The following UIMC1 variants were observed in gnomAD, a reference collection of about 807,000 sequenced individuals.
The protein encoded by UIMC1 is ubiquitin interaction motif containing 1.
UIMC1 carries 42 observed loss-of-function variants against 84.9 expected under a neutral mutation model. The ratio of observed to expected loss-of-function variants is 0.49; its 90% CI spans 0.39 to 0.64. The LOEUF (loss-of-function observed/expected upper bound fraction) is 0.64, where lower values mean the gene tolerates loss of function less well. UIMC1 is among the 30% of genes least tolerant of loss of function. The probability of loss-of-function intolerance (pLI) is 0.00; values close to 1 mark genes in which losing one functional copy is unlikely to be tolerated. For missense variants in UIMC1, 825 were observed against 847.6 expected (o/e 0.97, Z 0.33); for synonymous variants, 281 against 293.0 (o/e 0.96, Z 0.42).
chr5:176,981,982 T>G (rs760191602), intron 2 of UIMC1, among the ~76,000 whole-genome samples: 2 of 152,234 alleles, frequency 1.3e-5, no homozygotes, highest in African/African-American at 4.8e-5. Flanking sequence ...AAATGTTGTA[T>G]AGCTCTGCTG....
chr5:176,995,005 G>A (rs190892859), intron 1 of UIMC1, among the ~76,000 whole-genome samples: 1 of 152,180 alleles, frequency 6.6e-6, no homozygotes. Flanking sequence ...TCATTCCTTT[G>A]GGCTCTGGCT....
intron 10 of UIMC1, among the ~76,000 whole-genome samples, chr5:176,941,262 G>A (rs887465544): frequency 6.6e-6 from 1 of 152,078 alleles, no homozygotes; most frequent in African/African-American, 2.4e-5. Context: ...TTTACAGTCA[G>A]ACCTCAACTA....
rs2149483492 is a variant in UIMC1 at position 176,968,877 on chromosome 5, G to A, written c.878C>T (p.Thr293Ile). The change falls in exon 6 of 15, where the codon ACC becomes ATC. Residue 293 changes from threonine (T) to isoleucine (I), a missense_variant. Thr to Ile is a moderately conservative substitution (Grantham distance 89). Coordinates refer to ENST00000511320, the MANE Select transcript of UIMC1 (RefSeq NM_001199298.2). The part of the protein sequence containing the change: ...CPDGVDPNQY[T>I]KVILCQLEVY... ...CTCCAACTGGCAGAGAATGACCTTGGTATACTGGTTAGGGTCTACTCCATC... is the reference window on the plus strand; with the variant it reads ...CTCCAACTGGCAGAGAATGACCTTGATATACTGGTTAGGGTCTACTCCATC... The A allele has an allele frequency of 1.9e-6, 3 of 1,614,102 alleles. No individual in the cohort carries two copies. In the East Asian group the frequency reaches 6.7e-5, roughly 36 times the overall value.
chr5:177,000,552 G>C (rs1290173595), intron 1 of UIMC1, among the ~76,000 whole-genome samples: 2 of 137,580 alleles, frequency 1.5e-5, no homozygotes, highest in Non-Finnish European at 3.0e-5. Flanking sequence ...CCAGGCTGGA[G>C]TGCAATGGCA....
chr5:176,970,863 A>G lies in UIMC1; in HGVS notation c.236T>C (p.Met79Thr). Residue 79 changes from methionine to threonine, a missense_variant, in exon 4 of 15, where the codon ATG becomes ACG. Met to Thr is a moderately conservative substitution (Grantham distance 81). Coordinates refer to ENST00000511320, the MANE Select transcript of UIMC1 (RefSeq NM_001199298.2). Reference protein sequence around the residue: ...KCLAKRKIAQMTEEEQFALAL... With the variant: ...KCLAKRKIAQTTEEEQFALAL... The stretch of plus-strand genomic sequence containing the variant: ...CAGAGCAAACTGTTCTTCTTCTGTC[A>G]TCTCTGTAAGAGGATAGGGAAAAGA... 6.2e-7 allele frequency: 1 copy of G among 1,613,794 alleles called. No individual in the cohort carries two copies. The highest frequency in any genetic ancestry group is 1.1e-5 in the South Asian group (1 of 91,078).
At chr5:176,983,916 C>T (rs1354087949) in intron 1 of UIMC1, among the ~76,000 whole-genome samples, 1 of 146,020 alleles carries the variant, frequency 6.8e-6, no homozygotes, top group Non-Finnish European at 1.5e-5. Context: ...AGCACCTCTG[C>T]CCGGCCACCC....
chr5:176,949,246 G>A (rs1248310285), intron 9 of UIMC1, among the ~76,000 whole-genome samples: 1 of 152,036 alleles, frequency 6.6e-6, no homozygotes, highest in Non-Finnish European at 1.5e-5. Context: ...AGACTGTTTA[G>A]AGACATCCAC....
rs544881942 is a variant in UIMC1, at chr5:176,937,858, T to C, written c.1597+5477A>G. ...CCTCTCTTATTCCACCCCTTAAGCA[T>C]TGGGCTAATGGTCTCCCAGCTTGGC... is the stretch of plus-strand genomic sequence containing the variant. On this transcript the variant is annotated intron_variant, in intron 10 of 14. Coordinates refer to ENST00000511320, the MANE Select transcript of UIMC1 (RefSeq NM_001199298.2). Among the ~76,000 whole-genome samples the C allele has an allele frequency of 3.3e-4, 50 of 152,224 alleles. 1 individual carries two copies. The highest frequency in any genetic ancestry group is 1.1e-3 in the African/African-American group (47 of 41,552).
rs372757120 is a variant in UIMC1 at position 176,958,083 on chromosome 5, A to C, written c.1262+10T>G. 37 of 1,613,098 alleles carry C rather than the reference A, an allele frequency of 2.3e-5. No individual in the cohort carries two copies. The African/African-American group carries it at 2.9e-4, about 13-fold the overall frequency. ...CAGAGGAGAATGCATAGCAACATAT[A>C]ATCTCTCACCTTTGTGAAGCAGGTA... On this transcript the variant is annotated intron_variant, in intron 7 of 14. Coordinates refer to ENST00000511320, the MANE Select transcript of UIMC1 (RefSeq NM_001199298.2).
chr5:176,995,960 A>G (rs1773555918), intron 1 of UIMC1, among the ~76,000 whole-genome samples: 1 of 152,102 alleles, frequency 6.6e-6, no homozygotes, highest in South Asian at 2.1e-4. Context: ...TTTCATTCCT[A>G]GGTATTTACT....
At chr5:176,970,511 A>C in intron 4 of UIMC1, 1 of 555,958 alleles carries the variant, frequency 1.8e-6, no homozygotes, top group Non-Finnish European at 3.1e-6. Context: ...TCAACCATGA[A>C]CTAAAAAATC....
intron 10 of UIMC1, among the ~76,000 whole-genome samples, chr5:176,932,791 C>A (rs1363881266): frequency 6.6e-6 from 1 of 151,854 alleles, no homozygotes; most frequent in South Asian, 2.1e-4. Flanking sequence ...TGCTGACCCC[C>A]GGTGACCAGG....
rs78493066 is a variant in UIMC1, at chr5:176,989,309, C to T, written c.-8-6686G>A. Among the ~76,000 whole-genome samples the T allele has an allele frequency of 7.7e-3, 1,178 of 152,204 alleles. 11 individuals are homozygous for T. Among genetic ancestry groups the T allele is most frequent in the Non-Finnish European group, 0.012 (834 of 68,014 alleles). ...CCCATGATAAAACTCGACACACAAA[C>T]GTCCTTTTCTGCATTTAATGCATAT... On this transcript the variant is annotated intron_variant, in intron 1 of 14. Coordinates refer to ENST00000511320, the MANE Select transcript of UIMC1 (RefSeq NM_001199298.2).
Position 176,905,205 on chromosome 5 carries a change from C to T in UIMC1, c.*77G>A. 1.1e-5 allele frequency: 16 copies of T among 1,497,196 alleles called. No homozygotes were observed. Among genetic ancestry groups the T allele is most frequent in the Non-Finnish European group, 1.5e-5 (16 of 1,098,156 alleles). The allele number at this position is 1,497,196 out of a possible 1,614,324, so 92.7% of individuals were successfully genotyped here. On this transcript the variant is annotated 3_prime_UTR_variant, in exon 15 of 15. Coordinates refer to ENST00000511320, the MANE Select transcript of UIMC1 (RefSeq NM_001199298.2). ...GGGCTAAAACTTGCTCAACAATGAA[C>T]TAGGGACCACTATGGCTTAATGAAC...
chr5:176,987,422 T>G (rs1223760655), intron 1 of UIMC1, among the ~76,000 whole-genome samples: 1 of 151,222 alleles, frequency 6.6e-6, no homozygotes, highest in Non-Finnish European at 1.5e-5. Context: ...GAGGCTGGTG[T>G]ATCACTCGAG....
chr5:176,998,184 G>T (rs1773907855), intron 1 of UIMC1, among the ~76,000 whole-genome samples: 1 of 152,012 alleles, frequency 6.6e-6, no homozygotes, highest in African/African-American at 2.4e-5. Flanking sequence ...AATGATAGGG[G>T]ATCAATAAAT....
At chr5:176,952,534 T>C (rs528405982) in intron 8 of UIMC1, among the ~76,000 whole-genome samples, 247 of 152,374 alleles carry the variant, frequency 1.6e-3, no homozygotes, top group African/African-American at 5.7e-3. Context: ...CATTCATCTA[T>C]GTACTGTCTA....
chr5:177,014,652 C>T (rs6896341), intron 1 of UIMC1, among the ~76,000 whole-genome samples: 5,022 of 152,036 alleles, frequency 0.033, 295 homozygotes, highest in African/African-American at 0.11. Flanking sequence ...GAGGTGAAAT[C>T]ACAGTACTTC....
intron 1 of UIMC1, among the ~76,000 whole-genome samples, chr5:177,001,658 G>C (rs576490436): frequency 1.3e-4 from 20 of 152,168 alleles, no homozygotes; most frequent in Non-Finnish European, 2.5e-4. Context: ...TAAACTGAGG[G>C]CCAGGTGCAG....
Sources: allele counts gnomAD v4.1 joint callset (sites outside exome capture counted in the v4.1 genomes callset), GRCh38; gene constraint gnomAD v4.1.1; transcripts MANE v1.5; gene names NCBI Gene and HGNC (gene_info 2026-07-23, HGNC 2026-07-21).